Variants in ZNHIT1 observed in about 807,000 individuals in gnomAD.
The protein encoded by ZNHIT1 is zinc finger HIT-type containing 1, also known as zinc finger HIT domain-containing protein 1.
Under a neutral mutation model 21.4 loss-of-function variants are expected in ZNHIT1, and 20 were observed. The ratio of observed to expected loss-of-function variants is 0.93; its 90% CI spans 0.66 to 1.36. The LOEUF is 1.36. ZNHIT1 is among the 40% of genes most tolerant of loss of function. The probability of loss-of-function intolerance (pLI) is 0.00; values close to 1 mark genes in which losing one functional copy is unlikely to be tolerated. For missense variants in ZNHIT1, 170 were observed against 213.5 expected (o/e 0.80, Z 1.27); for synonymous variants, 79 against 84.0 (o/e 0.94, Z 0.32).
intron 1 of ZNHIT1, chr7:101,220,110 GGGTTTTTTTTT>G (rs1461159919): frequency 2.2e-5 from 3 of 135,720 alleles, no homozygotes; most frequent in African/African-American, 8.1e-5. Context: ...GGTTGGTTTT[GGGTTTTTTTTT>G]TTTTTTTTTT....
chr7:101,218,469 C>T (rs968107046), intron 1 of ZNHIT1: 2 of 514,668 alleles, frequency 3.9e-6, no homozygotes, highest in Admixed American at 3.8e-5. Flanking sequence ...GTGACGGGCT[C>T]TCGCTATGTT....
intron 1 of ZNHIT1, chr7:101,220,112 G>GTTTTTTTTTT (rs10615658): frequency 9.5e-6 from 1 of 105,230 alleles, no homozygotes; most frequent in African/African-American, 3.6e-5. Context: ...TTGGTTTTGG[G>GTTTTTTTTTT]TTTTTTTTTT....
chr7:101,220,278 C>T (rs918855352), intron 1 of ZNHIT1: 3 of 152,054 alleles, frequency 2.0e-5, no homozygotes, highest in African/African-American at 7.2e-5. Flanking sequence ...TCCCACTACA[C>T]CTGGCTAATT....
rs576605258 is a variant in ZNHIT1 at position 101,218,530 on chromosome 7, C to G, written c.22+313C>G. On this transcript the variant is annotated intron_variant, in intron 1 of 4. Transcript: ENST00000305105. ...CCTCAAAGCGATCCTCCTGCGTGGG[C>G]CTTCCAAAGTGCTGGGATTACAGGC... The G allele has an allele frequency of 2.3e-5, 9 of 396,744 alleles. No homozygotes were observed. The East Asian group carries it at 3.9e-4, about 17-fold the overall frequency. The allele number at this position is 396,744 out of a possible 1,614,324, so 24.6% of individuals were successfully genotyped here. A position where few individuals can be genotyped will look rare whatever the true frequency, so the allele number is the denominator to read the frequency against.
At chr7:101,220,046 A>G (rs1345627210) in intron 1 of ZNHIT1, 1 of 149,108 alleles carries the variant, frequency 6.7e-6, no homozygotes, top group Non-Finnish European at 1.5e-5. Flanking sequence ...ACTGCCTGGC[A>G]TTTGGAGGGG....
At chr7:101,220,757 GT>G (rs1798356925) in intron 1 of ZNHIT1, 2 of 151,874 alleles carry the variant, frequency 1.3e-5, no homozygotes, top group African/African-American at 2.4e-5. Flanking sequence ...GAGGTTTTTT[GT>G]TTTTTGTTTT....
At chr7:101,221,026 G>C (rs1798361440) in intron 1 of ZNHIT1, 1 of 152,178 alleles carries the variant, frequency 6.6e-6, no homozygotes, top group East Asian at 1.9e-4. Flanking sequence ...TGCTGGGATT[G>C]CAGGGGTGAG....
chr7:101,223,402 T>C (rs1303260745), intron 2 of ZNHIT1, 75 bp from the exon 3 acceptor site: 2 of 1,511,710 alleles, frequency 1.3e-6, no homozygotes, highest in East Asian at 2.3e-5. Context: ...CACATGGGCA[T>C]GGGGAGTGAT....
At chr7:101,223,253 T>C (rs1262650489) in intron 2 of ZNHIT1, among the ~76,000 whole-genome samples, 1 of 152,172 alleles carries the variant, frequency 6.6e-6, no homozygotes, top group African/African-American at 2.4e-5. Flanking sequence ...GGTGGACACC[T>C]GTAATCCCAG....
intron 1 of ZNHIT1, 82 bp downstream of exon 1, chr7:101,218,299 G>C (rs376712075): frequency 6.6e-7 from 1 of 1,506,472 alleles, no homozygotes. Flanking sequence ...CCTCTTTTTT[G>C]GTCTCGCTCT....
chr7:101,218,569 C>G, intron 1 of ZNHIT1: 1 of 293,200 alleles, frequency 3.4e-6, no homozygotes. Flanking sequence ...AGCTGCCGCG[C>G]CCGGCCCCAG....
At chr7:101,218,805 G>A (rs191236110) in intron 1 of ZNHIT1, 1 of 153,000 alleles carries the variant, frequency 6.5e-6, no homozygotes, top group African/African-American at 2.4e-5. Context: ...CAGCGCCTGG[G>A]AACAGGGAGA....
chr7:101,219,291 T>C (rs1798333544), intron 1 of ZNHIT1: 1 of 152,204 alleles, frequency 6.6e-6, no homozygotes, highest in Non-Finnish European at 1.5e-5. Flanking sequence ...TATTTTTTGT[T>C]GAGATGGGTG....
intron 4 of ZNHIT1, 29 bp from the exon 5 acceptor site, chr7:101,223,908 C>T: frequency 6.2e-7 from 1 of 1,614,158 alleles, no homozygotes; most frequent in Non-Finnish European, 8.5e-7. Context: ...ACCTCTCTCC[C>T]CTCATCCTGG....
rs771133778 is a variant in ZNHIT1, at chr7:101,222,627, C to T, written c.46C>T (p.Arg16Trp). Residue 16 changes from arginine (R) to tryptophan (W), a missense_variant, in exon 2 of 5, where the codon CGG becomes TGG. Arg to Trp is a moderately radical substitution (Grantham distance 101). Transcript: ENST00000305105. ...AGTTCGCTCCCAGGACCCCGGGCAGCGGCGGGTGCTGGACCGGGCTGCCCG... is the reference window on the plus strand; with the variant it reads ...AGTTCGCTCCCAGGACCCCGGGCAGTGGCGGGTGCTGGACCGGGCTGCCCG... ...TSVRSQDPGQ[R>W]RVLDRAARQR... The T allele has an allele frequency of 3.2e-5, 52 of 1,610,504 alleles. No individual in the cohort carries two copies. Among genetic ancestry groups the T allele is most frequent in the African/African-American group, 9.3e-5 (7 of 75,028 alleles).
intron 1 of ZNHIT1, chr7:101,222,187 A>C (rs1798380646): frequency 5.9e-6 from 1 of 169,918 alleles, no homozygotes; most frequent in East Asian, 1.6e-4. Flanking sequence ...GTGGCCTGGA[A>C]GATGAGCGTA....
intron 1 of ZNHIT1, chr7:101,219,145 C>T (rs1381164695): frequency 6.6e-6 from 1 of 152,172 alleles, no homozygotes; most frequent in African/African-American, 2.4e-5. Context: ...TGCTCTGTCA[C>T]CCAGGCTGGA....
chr7:101,222,172 G>C (rs900850282), intron 1 of ZNHIT1: 1 of 164,978 alleles, frequency 6.1e-6, no homozygotes, highest in Non-Finnish European at 1.3e-5. Context: ...CACGTTTGTG[G>C]GTAGGTGGCC....
chr7:101,220,613 G>A (rs1406805286), intron 1 of ZNHIT1: 2 of 152,254 alleles, frequency 1.3e-5, no homozygotes, highest in Non-Finnish European at 2.9e-5. Context: ...CTGGCTCATA[G>A]TAAGTGTCCA....
Sources: gnomAD v4.1 joint callset for allele counts (sites outside exome capture counted in the v4.1 genomes callset) on GRCh38, gnomAD v4.1.1 for gene constraint, MANE v1.5 for transcripts, NCBI Gene and HGNC (gene_info 2026-07-23, HGNC 2026-07-21) for gene names.